Variants in HPS1 observed in about 807,000 individuals in gnomAD.
HPS1 encodes the protein HPS1 biogenesis of lysosomal organelles complex 3 subunit 1.
HPS1 carries 59 observed loss-of-function variants against 90.6 expected under a neutral mutation model. That is an observed-to-expected ratio of 0.65 (90% confidence interval 0.53 to 0.81). The LOEUF is 0.81. HPS1 is among the 30% of genes least tolerant of loss of function. HPS1 has a pLI of 0.00. For synonymous variants in HPS1, 388 were observed against 384.4 expected, an observed-to-expected ratio of 1.01 and a Z score of -0.11; for missense variants, 849 against 896.7, an observed-to-expected ratio of 0.95 and a Z score of 0.68.
chr10:98,444,785 A>C (rs1939173534), intron 2 of HPS1, among the ~76,000 whole-genome samples: 1 of 152,228 alleles, frequency 6.6e-6, no homozygotes, highest in African/African-American at 2.4e-5. Context: ...CCACAGAATT[A>C]CTCAATGCCA....
In HPS1 at chr10:98,426,061, C is replaced by T. The variant is rs115705999; in HGVS notation, c.988-76G>A. 4,042 of 1,289,092 alleles carry T rather than the reference C, an allele frequency of 3.1e-3. 90 individuals are homozygous for T. In the African/African-American group the frequency reaches 0.051, roughly 16 times the overall value. 79.9% of individuals were successfully genotyped at this position (1,289,092 alleles called of 1,614,324 possible). ...CACCCATTGCGGCCCTATCTGTGAACCACAAGAAATAATCATTTTTAGCTC... is the reference window on the plus strand; with the variant it reads ...CACCCATTGCGGCCCTATCTGTGAATCACAAGAAATAATCATTTTTAGCTC... On this transcript the variant is annotated intron_variant, in intron 11 of 19. Coordinates refer to ENST00000361490, the MANE Select transcript of HPS1 (RefSeq NM_000195.5).
rs1209464331 is a variant in HPS1 at position 98,435,602 on chromosome 10, A to G, written c.255+33T>C. On this transcript the variant is annotated intron_variant, in intron 4 of 19. Transcript: ENST00000361490. The surrounding 1 kb of genome is among the most constrained non-coding windows in gnomAD (Gnocchi z 4.3). Reference sequence around the variant, plus strand: ...GTGGACTCCCCATCAAGCTGAGGGAAGAGGAACATGGGCCCCAGAGCTATA... The same window carrying G: ...GTGGACTCCCCATCAAGCTGAGGGAGGAGGAACATGGGCCCCAGAGCTATA... The G allele has an allele frequency of 1.2e-6, 2 of 1,613,868 alleles. No homozygotes were observed. Among genetic ancestry groups the G allele is most frequent in the South Asian group, 2.2e-5 (2 of 91,030 alleles).
At position 98,435,605 on chromosome 10, in the gene HPS1, G is replaced by C. The variant is rs1847203569; in HGVS notation, c.255+30C>G. The C allele has an allele frequency of 6.2e-7, 1 of 1,613,794 alleles. No homozygotes were observed. Among genetic ancestry groups the C allele is most frequent in the Admixed American group, 1.7e-5 (1 of 59,996 alleles). ...GACTCCCCATCAAGCTGAGGGAAGA[G>C]GAACATGGGCCCCAGAGCTATAGAC... On this transcript the variant is annotated intron_variant, in intron 4 of 19. Transcript: ENST00000361490. This position sits in a 1 kb window ranked among gnomAD's most constrained non-coding sequence, Gnocchi z 4.3.
chr10:98,434,087 G>A lies in HPS1; in HGVS notation c.403C>T (p.Arg135Trp), dbSNP rs759982308. 9.7e-6 allele frequency: 15 copies of A among 1,548,902 alleles called. No individual in the cohort carries two copies. Among genetic ancestry groups the A allele is most frequent in the African/African-American group, 6.8e-5 (5 of 73,044 alleles). ...VDGHLIRKEL[R>W]PPDLAQRVQL... ...ACACGCTGCGCCAGGTCTGGGGGCC[G>A]CAGCCTGGGGGCAGAGCCAGAGAGG... Residue 135 changes from arginine (R) to tryptophan (W), a missense_variant, in exon 6 of 20, where the codon CGG (arginine) becomes TGG (tryptophan). By Grantham distance (101) the Arg-to-Trp change is moderately radical (BLOSUM62 -3). Coordinates refer to ENST00000361490, the MANE Select transcript of HPS1 (RefSeq NM_000195.5).
chr10:98,438,476 C>T (rs963852116), intron 3 of HPS1, among the ~76,000 whole-genome samples: 7 of 152,238 alleles, frequency 4.6e-5, no homozygotes, highest in East Asian at 1.9e-4. Context: ...GCAAAGAGAC[C>T]GGCAGCATTT....
At chr10:98,436,926 C>G (rs553663583) in intron 3 of HPS1, among the ~76,000 whole-genome samples, 1 of 152,152 alleles carries the variant, frequency 6.6e-6, no homozygotes, top group Non-Finnish European at 1.5e-5. Flanking sequence ...TGCCAACATT[C>G]GGGAACCAAG....
At chr10:98,433,899 A>T in intron 6 of HPS1, 84 bp downstream of exon 6, 1 of 1,530,838 alleles carries the variant, frequency 6.5e-7, no homozygotes. Flanking sequence ...TTCATTCATT[A>T]GGGTTAAAAC....
intron 10 of HPS1, 29 bp from the exon 11 acceptor site, chr10:98,427,293 T>C: frequency 6.5e-7 from 1 of 1,539,570 alleles, no homozygotes; most frequent in Non-Finnish European, 8.8e-7. Context: ...AACATAACGA[T>C]GTAAGTACCA....
chr10:98,420,114 G>A lies in HPS1; in HGVS notation c.1788C>T (p.Gly596=), dbSNP rs1844657765. 6.2e-7 allele frequency: 1 copy of A among 1,613,966 alleles called. No individual in the cohort carries two copies. Among genetic ancestry groups the A allele is most frequent in the Admixed American group, 1.7e-5 (1 of 60,004 alleles). ...CCTCCTGGAACAGCAGCGTGGTGTA[G>A]CCCTTCTGCAGGTATCTGCGCGCCA... The part of the protein sequence containing the change: ...IQLARRYLQK[G]YTTLLFQEGD... The change falls in exon 18 of 20, where the codon GGC becomes GGT. Residue 596 remains glycine, a synonymous_variant. Coordinates refer to ENST00000361490, the MANE Select transcript of HPS1 (RefSeq NM_000195.5).
chr10:98,415,710 C>T (rs1844011338), downstream of HPS1, among the ~76,000 whole-genome samples: 1 of 152,242 alleles, frequency 6.6e-6, no homozygotes, highest in Non-Finnish European at 1.5e-5. Context: ...CCTTCAGACA[C>T]CGCAGAGGCA....
At position 98,416,712 on chromosome 10, in the gene HPS1, C is replaced by T. The variant is rs1339644169; in HGVS notation, c.*852G>A. The T allele has an allele frequency of 1.3e-5, 2 of 152,352 alleles. No homozygotes were observed. Among genetic ancestry groups the T allele is most frequent in the African/African-American group, 4.8e-5 (2 of 41,450 alleles). 9.4% of individuals were successfully genotyped at this position (152,352 alleles called of 1,614,324 possible). ...GGCCTCCTGGCCTCAGAGGAGCAGA[C>T]ACTCCCAGTCCCAGGGCTCTCAGGG... On this transcript the variant is annotated 3_prime_UTR_variant, in exon 20 of 20. Transcript: ENST00000361490.
chr10:98,439,339 G>A (rs1937989624), intron 3 of HPS1, among the ~76,000 whole-genome samples: 1 of 152,184 alleles, frequency 6.6e-6, no homozygotes, highest in Non-Finnish European at 1.5e-5. Flanking sequence ...CTCAACACCA[G>A]CCTGTGAAAA....
At chr10:98,428,514 C>T (rs1845904939) in intron 10 of HPS1, among the ~76,000 whole-genome samples, 1 of 152,190 alleles carries the variant, frequency 6.6e-6, no homozygotes, top group Non-Finnish European at 1.5e-5. Context: ...ACCTGGGTCC[C>T]AGGCCCACAG....
At chr10:98,414,806 G>C, downstream of HPS1, 1 of 679,690 alleles carries the variant, frequency 1.5e-6, no homozygotes, top group Non-Finnish European at 2.3e-6. Flanking sequence ...CCACACAGCA[G>C]AGCCAGCACC....
intron 19 of HPS1, 142 bp downstream of exon 19, chr10:98,418,033 G>C: frequency 1.5e-6 from 1 of 683,610 alleles, no homozygotes; most frequent in South Asian, 1.8e-5. Flanking sequence ...CTGCACACAG[G>C]GCCAGCCGGG....
In HPS1 at chr10:98,425,830, C is replaced by T. The variant is rs1845532860; in HGVS notation, c.1143G>A (p.Val381=). ...GGGGCTCTCCTACCCTGGTCAGGAG[C>T]ACCAGGTTGATGCCCTGCCACAGGG... ...CLPLWQGINL[V]LLTRSPSAPL... is the part of the protein sequence containing the mutation. Residue 381 remains valine (V), a synonymous_variant, in exon 12 of 20, where the codon GTG becomes GTA. Transcript: ENST00000361490. The T allele has an allele frequency of 1.2e-6, 2 of 1,613,686 alleles. No individual in the cohort carries two copies. Among genetic ancestry groups the T allele is most frequent in the Non-Finnish European group, 1.7e-6 (2 of 1,179,854 alleles).
In HPS1 at chr10:98,418,030, C is replaced by T; in HGVS notation, c.1940+145G>A. Reference sequence around the variant, plus strand: ...CACACCCGTCCTCCCTCGCTGCACACAGGGCCAGCCGGGAAGGTGTTCCCA... The same window carrying T: ...CACACCCGTCCTCCCTCGCTGCACATAGGGCCAGCCGGGAAGGTGTTCCCA... On this transcript the variant is annotated intron_variant, in intron 19 of 19. Coordinates refer to ENST00000361490, the MANE Select transcript of HPS1 (RefSeq NM_000195.5). 2.9e-6 allele frequency: 2 copies of T among 679,662 alleles called. 1 individual carries two copies. The highest frequency in any genetic ancestry group is 3.5e-5 in the South Asian group (2 of 56,402). 42.1% of individuals were successfully genotyped at this position (679,662 alleles called of 1,614,324 possible). A position where few individuals can be genotyped will look rare whatever the true frequency, so the allele number is the denominator to read the frequency against.
intron 3 of HPS1, among the ~76,000 whole-genome samples, chr10:98,441,508 C>A (rs867038149): frequency 1.1e-3 from 169 of 152,234 alleles, no homozygotes; most frequent in Middle Eastern, 3.4e-3. Context: ...TCCATAAATG[C>A]AAAATGGATA....
At chr10:98,427,081 G>A in intron 11 of HPS1, 134 bp downstream of exon 11, 1 of 724,792 alleles carries the variant, frequency 1.4e-6, no homozygotes, top group East Asian at 2.7e-5. Flanking sequence ...CACCTGCACT[G>A]ACCAGCCCTG....
Sources: allele counts gnomAD v4.1 joint callset (sites outside exome capture counted in the v4.1 genomes callset), GRCh38; gene constraint gnomAD v4.1.1; non-coding constraint Gnocchi (gnomAD v3.1); transcripts MANE v1.5; gene names NCBI Gene and HGNC (gene_info 2026-07-23, HGNC 2026-07-21).